OXR1: variants seen among roughly 807,000 people sequenced by gnomAD.
OXR1 encodes the protein oxidation resistance 1.
A neutral mutation model predicts 104.6 loss-of-function variants in OXR1; 41 were observed. The observed-to-expected ratio is 0.39, with a 90% CI of 0.31 to 0.51. OXR1 has a LOEUF of 0.51. OXR1 is among the 20% of genes least tolerant of loss of function. The probability of loss-of-function intolerance (pLI) is 0.77; values close to 1 mark genes in which losing one functional copy is unlikely to be tolerated. For synonymous variants in OXR1, 348 were observed against 348.4 expected (o/e 1.00, Z 0.01); for missense variants, 955 against 1,031.9 (o/e 0.93, Z 1.02).
intron 1 of OXR1, among the ~76,000 whole-genome samples, chr8:106,357,087 A>T (rs1816003800): frequency 6.6e-6 from 1 of 152,090 alleles, no homozygotes; most frequent in East Asian, 1.9e-4. Flanking sequence ...TAGTAAAAGC[A>T]ATTTGATTAG....
chr8:106,483,681 G>A (rs1282320877), intron 2 of OXR1, among the ~76,000 whole-genome samples: 1 of 152,002 alleles, frequency 6.6e-6, no homozygotes, highest in Admixed American at 6.6e-5. Flanking sequence ...TGATCTTAAT[G>A]TATTAGTCTT....
At chr8:106,467,934 G>T (rs1821264809) in intron 2 of OXR1, among the ~76,000 whole-genome samples, 1 of 151,706 alleles carries the variant, frequency 6.6e-6, no homozygotes, top group Non-Finnish European at 1.5e-5. Context: ...ATCCCAAATG[G>T]CCTGGGTGAT....
At chr8:106,394,971 T>TA (rs397961993) in intron 2 of OXR1, among the ~76,000 whole-genome samples, 6 of 151,582 alleles carry the variant, frequency 4.0e-5, no homozygotes, top group Non-Finnish European at 8.8e-5. Context: ...ATCTAACGTT[T>TA]ACAAATGTAT....
rs1176764200 is a variant in OXR1 at position 106,301,179 on chromosome 8, C to G, written c.-139+30812C>G. On this transcript the variant is annotated intron_variant, in intron 1 of 16. Coordinates refer to ENST00000517566, the MANE Select transcript of OXR1 (RefSeq NM_001198533.2). ...GAACAGTGAATGCATTACCTGGAGC[C>G]AAAGATTTGAAGAAGCAGCGCTTGT... Among the ~76,000 whole-genome samples, 5 of 152,058 alleles carry G rather than the reference C, an allele frequency of 3.3e-5. No homozygotes were observed. The East Asian group carries it at 9.6e-4, about 29-fold the overall frequency.
At chr8:106,580,289 A>T (rs1818137748) in intron 3 of OXR1, among the ~76,000 whole-genome samples, 1 of 152,148 alleles carries the variant, frequency 6.6e-6, no homozygotes, top group Non-Finnish European at 1.5e-5. Context: ...TATGAATTTG[A>T]CCACTTTCTA....
At chr8:106,690,146 C>A (rs1349131946) in intron 6 of OXR1, among the ~76,000 whole-genome samples, 1 of 150,348 alleles carries the variant, frequency 6.7e-6, no homozygotes, top group African/African-American at 2.4e-5. Context: ...ATTTTAACTT[C>A]AATGCTTTTA....
intron 2 of OXR1, among the ~76,000 whole-genome samples, chr8:106,406,522 A>G: frequency 6.6e-6 from 1 of 152,204 alleles, no homozygotes; most frequent in East Asian, 1.9e-4. Context: ...TGCTGAAAAG[A>G]AATGAGCTAT....
chr8:106,667,509 A>G (rs903943747), intron 3 of OXR1, among the ~76,000 whole-genome samples: 2 of 152,176 alleles, frequency 1.3e-5, no homozygotes, highest in Non-Finnish European at 2.9e-5. Flanking sequence ...ACTTACAATG[A>G]AAAGTTCCTA....
At position 106,409,739 on chromosome 8, in the gene OXR1, T is replaced by C. The variant is rs576280372; in HGVS notation, c.23+50103T>C. 5.3e-5 allele frequency among the ~76,000 whole-genome samples: 8 copies of C among 152,282 alleles called. No individual in the cohort carries two copies. In the South Asian group the frequency reaches 1.4e-3, roughly 28 times the overall value. ...ATGAAAGGCTTAGTTACAGTTGGGC[T>C]TAATGATAGAAAAAGAATTAGTTTG... On this transcript the variant is annotated intron_variant, in intron 2 of 16. Transcript: ENST00000517566.
chr8:106,585,608 A>G (rs1818571725), intron 3 of OXR1, among the ~76,000 whole-genome samples: 1 of 152,192 alleles, frequency 6.6e-6, no homozygotes, highest in Non-Finnish European at 1.5e-5. Flanking sequence ...AATGTAGGGC[A>G]TGAGTAAATT....
rs1266949196 is a variant in OXR1, at chr8:106,673,969, C to T, written c.221-5241C>T. Reference sequence around the variant, plus strand: ...CAGAAGTTTGCTGTAGGGGTGGAGCCCTCTTGGAGAACCTTTGCTAGGGCA... The same window carrying T: ...CAGAAGTTTGCTGTAGGGGTGGAGCTCTCTTGGAGAACCTTTGCTAGGGCA... On this transcript the variant is annotated intron_variant, in intron 3 of 16. Coordinates refer to ENST00000517566, the MANE Select transcript of OXR1 (RefSeq NM_001198533.2). Among the ~76,000 whole-genome samples the T allele has an allele frequency of 2.0e-5, 3 of 152,186 alleles. No individual in the cohort carries two copies. The East Asian group carries it at 5.8e-4, about 29-fold the overall frequency.
At chr8:106,688,039 T>G (rs1828914550) in intron 6 of OXR1, among the ~76,000 whole-genome samples, 1 of 152,196 alleles carries the variant, frequency 6.6e-6, no homozygotes, top group Non-Finnish European at 1.5e-5. Flanking sequence ...CGCACTATCA[T>G]CTTCCTAAGA....
chr8:106,378,101 T>C (rs2130396506), intron 2 of OXR1, among the ~76,000 whole-genome samples: 1 of 152,352 alleles, frequency 6.6e-6, no homozygotes, highest in Non-Finnish European at 1.5e-5. Flanking sequence ...TTGTTAGAGC[T>C]GGTCCATCAA....
chr8:106,521,759 A>T lies in OXR1; in HGVS notation c.220+2620A>T, dbSNP rs539568165. On this transcript the variant is annotated intron_variant, in intron 3 of 16. Transcript: ENST00000517566. ...GATCTCCTGACCTCAAGATCTGCCC[A>T]CCTCAGCCTCCCAAAGTGCTGGGGT... Among the ~76,000 whole-genome samples the T allele has an allele frequency of 8.5e-5, 13 of 152,132 alleles. No individual in the cohort carries two copies. The South Asian group carries it at 2.7e-3, about 32-fold the overall frequency.
intron 3 of OXR1, among the ~76,000 whole-genome samples, chr8:106,625,872 A>G (rs868092535): frequency 6.6e-6 from 1 of 152,140 alleles, no homozygotes; most frequent in Non-Finnish European, 1.5e-5. Flanking sequence ...TTGTAAACGT[A>G]TATTAGATTA....
intron 1 of OXR1, among the ~76,000 whole-genome samples, chr8:106,354,375 G>A (rs891721410): frequency 2.6e-5 from 4 of 152,070 alleles, no homozygotes; most frequent in South Asian, 2.1e-4. Context: ...CATACCTCAT[G>A]CATTTTATTC....
chr8:106,400,201 T>C (rs919454347), intron 2 of OXR1, among the ~76,000 whole-genome samples: 3 of 152,142 alleles, frequency 2.0e-5, no homozygotes, highest in African/African-American at 7.2e-5. Context: ...ATCGTTCAGG[T>C]TTATGTTCTT....
At chr8:106,485,650 G>A (rs1810600756) in intron 2 of OXR1, among the ~76,000 whole-genome samples, 1 of 151,992 alleles carries the variant, frequency 6.6e-6, no homozygotes, top group African/African-American at 2.4e-5. Flanking sequence ...AAATCAGTAT[G>A]TCAAAGAGAT....
At chr8:106,361,853 A>G (rs201973185) in intron 2 of OXR1, among the ~76,000 whole-genome samples, 2 of 152,330 alleles carry the variant, frequency 1.3e-5, no homozygotes, top group South Asian at 2.1e-4. Context: ...AAAATAAGAC[A>G]TGTAACATTT....
Sources: gnomAD v4.1 joint callset for allele counts (sites outside exome capture counted in the v4.1 genomes callset) on GRCh38, gnomAD v4.1.1 for gene constraint, MANE v1.5 for transcripts, NCBI Gene and HGNC (gene_info 2026-07-23, HGNC 2026-07-21) for gene names.